Variants in WNK1 observed in about 807,000 individuals in gnomAD.
The protein encoded by WNK1 is WNK lysine deficient protein kinase 1.
A neutral mutation model predicts 222.8 loss-of-function variants in WNK1; 38 were observed. The observed-to-expected ratio is 0.17, with a 90% CI of 0.13 to 0.22. The LOEUF (loss-of-function observed/expected upper bound fraction) is 0.22, where lower values mean the gene tolerates loss of function less well. Among genes scored for constraint, WNK1 ranks in the 10% least tolerant of loss-of-function variants. WNK1 has a pLI of 1.00. For synonymous variants in WNK1, 1,090 were observed against 1,092.9 expected (o/e 1.00, Z 0.05); for missense variants, 2,348 against 2,918.4 (o/e 0.80, Z 4.50).
chr12:851,676 C>T, intron 4 of WNK1: 1 of 1,315,708 alleles, frequency 7.6e-7, no homozygotes, highest in Non-Finnish European at 1.0e-6. Flanking sequence ...AATAAGAAAT[C>T]TGTTTTGCCT....
intron 2 of WNK1, among the ~76,000 whole-genome samples, chr12:817,555 A>C (rs61916747): frequency 0.056 from 8,501 of 152,182 alleles, 314 homozygotes; most frequent in Middle Eastern, 0.1. Flanking sequence ...GGACCTTTCG[A>C]GTTTCTACCT....
At chr12:795,365 A>T (rs1226923427) in intron 1 of WNK1, among the ~76,000 whole-genome samples, 1 of 146,854 alleles carries the variant, frequency 6.8e-6, no homozygotes, top group East Asian at 2.0e-4. Context: ...CCCAAGTCTC[A>T]CTTTGAAATG....
At chr12:765,747 T>C (rs1301830084) in intron 1 of WNK1, among the ~76,000 whole-genome samples, 2 of 152,024 alleles carry the variant, frequency 1.3e-5, no homozygotes, top group African/African-American at 4.8e-5. Flanking sequence ...GGCTGGGCAA[T>C]GTAGCAAGAT....
chr12:802,554 C>A (rs1247783656), intron 1 of WNK1, among the ~76,000 whole-genome samples: 1 of 152,072 alleles, frequency 6.6e-6, no homozygotes, highest in Non-Finnish European at 1.5e-5. Context: ...ATTGTTGAAG[C>A]CCTGATACTA....
chr12:817,843 C>T (rs1947493559), intron 2 of WNK1, among the ~76,000 whole-genome samples: 1 of 152,090 alleles, frequency 6.6e-6, no homozygotes, highest in East Asian at 1.9e-4. Context: ...ATCCCAGCTA[C>T]CCGGGAGGCT....
chr12:908,269 C>T (rs1955868738), intron 27 of WNK1: 1 of 736,300 alleles, frequency 1.4e-6, no homozygotes, highest in East Asian at 2.7e-5. Context: ...TCCTCAACTA[C>T]ACACACACAG....
intron 1 of WNK1, among the ~76,000 whole-genome samples, chr12:757,988 T>A (rs1179076204): frequency 2.2e-5 from 3 of 137,558 alleles, no homozygotes; most frequent in African/African-American, 7.9e-5. Context: ...TGAGTCGAGA[T>A]CGCACCACTG....
At position 797,255 on chromosome 12, in the gene WNK1, T is replaced by C. The variant is rs146391943; in HGVS notation, c.760-16387T>C. On this transcript the variant is annotated intron_variant, in intron 1 of 27. Coordinates refer to ENST00000315939, the MANE Select transcript of WNK1 (RefSeq NM_018979.4). ...GTCATTCTTACTGTGATTACTGTGT[T>C]CTTTAAGGCTGTAGCTATAATTGTT... Among the ~76,000 whole-genome samples, 73 of 152,308 alleles carry C rather than the reference T, an allele frequency of 4.8e-4. 1 individual carries two copies. Among genetic ancestry groups the C allele is most frequent in the Middle Eastern group, 3.4e-3 (1 of 294 alleles).
rs762667877 is a variant in WNK1, at chr12:908,526, A to T, written c.6883A>T (p.Met2295Leu). The change falls in exon 28 of 28, where the codon ATG (methionine) becomes TTG (leucine). Residue 2295 changes from methionine (M) to leucine (L), a missense_variant. By Grantham distance (15) the Met-to-Leu change is conservative. Transcript: ENST00000315939. The stretch of plus-strand genomic sequence containing the variant: ...TGCACCTGGGCAACTGTGCATCTCC[A>T]TGACCTCGAACCTGGGTGGCTCTGC... ...FSAPGQLCIS[M>L]TSNLGGSAPI... 17 of 1,614,168 alleles carry T rather than the reference A, an allele frequency of 1.1e-5. No individual in the cohort carries two copies. The Admixed American group carries it at 2.3e-4, about 22-fold the overall frequency.
intron 26 of WNK1, among the ~76,000 whole-genome samples, chr12:903,523 A>G (rs1379077552): frequency 1.3e-5 from 2 of 152,236 alleles, no homozygotes; most frequent in Non-Finnish European, 2.9e-5. Flanking sequence ...AAAGAGAACC[A>G]AAGCTTCTGT....
intron 1 of WNK1, among the ~76,000 whole-genome samples, chr12:794,676 TG>T (rs1945146932): frequency 6.6e-6 from 1 of 152,168 alleles, no homozygotes; most frequent in Non-Finnish European, 1.5e-5. Context: ...CCTTTTTAGT[TG>T]CTGGATTTGG....
chr12:858,403 G>A (rs752099420), intron 5 of WNK1, among the ~76,000 whole-genome samples: 1 of 151,900 alleles, frequency 6.6e-6, no homozygotes, highest in Non-Finnish European at 1.5e-5. Flanking sequence ...TTGGTCAGGC[G>A]GGTTGCAGAC....
At chr12:870,546 A>G (rs965165689) in intron 8 of WNK1, among the ~76,000 whole-genome samples, 4 of 152,214 alleles carry the variant, frequency 2.6e-5, no homozygotes, top group African/African-American at 9.6e-5. Flanking sequence ...CTTTCTAGTG[A>G]GAAACACTGT....
In WNK1 at chr12:753,874, C is replaced by T. The variant is rs1343121075; in HGVS notation, c.309C>T (p.Pro103=). The change falls in exon 1 of 28, where the codon CCC becomes CCT. Residue 103 remains proline (P), a synonymous_variant. Coordinates refer to ENST00000315939, the MANE Select transcript of WNK1 (RefSeq NM_018979.4). This position sits in a 1 kb window ranked among gnomAD's most constrained non-coding sequence, Gnocchi z 5.2. ...TTCCCGGCCTTCCTCTTTCCCTGCC[C>T]CAGCCCAGCATCCCCGCGGCTGTCC... ...LELPGLPLSL[P]QPSIPAAVPQ... The T allele has an allele frequency of 6.8e-6, 11 of 1,612,430 alleles. No homozygotes were observed. Among genetic ancestry groups the T allele is most frequent in the Non-Finnish European group, 7.6e-6 (9 of 1,179,858 alleles).
At chr12:754,833 C>G (rs994826221) in intron 1 of WNK1, among the ~76,000 whole-genome samples, 1 of 152,130 alleles carries the variant, frequency 6.6e-6, no homozygotes, top group Non-Finnish European at 1.5e-5. Context: ...TAAAAAAAGA[C>G]TCTTCTCTGC....
At chr12:773,941 G>T (rs1291327925) in intron 1 of WNK1, among the ~76,000 whole-genome samples, 6 of 152,132 alleles carry the variant, frequency 3.9e-5, no homozygotes, top group African/African-American at 1.4e-4. Context: ...CCACAAGGTT[G>T]TAACCATGAA....
intron 26 of WNK1, among the ~76,000 whole-genome samples, chr12:902,820 C>G (rs1356624903): frequency 6.6e-6 from 1 of 152,188 alleles, no homozygotes; most frequent in South Asian, 2.1e-4. Context: ...TGGCACAGAA[C>G]AGGTAGTCAA....
At chr12:899,899 G>T (rs1009051115) in intron 25 of WNK1, among the ~76,000 whole-genome samples, 132 of 152,018 alleles carry the variant, frequency 8.7e-4, no homozygotes, top group African/African-American at 3.0e-3. Flanking sequence ...TGGAATCTGG[G>T]TATCCACTAG....
chr12:908,605 G>A lies in WNK1; in HGVS notation c.6962G>A (p.Cys2321Tyr), dbSNP rs1955895734. The A allele has an allele frequency of 6.2e-7, 1 of 1,614,102 alleles. No individual in the cohort carries two copies. Among genetic ancestry groups the A allele is most frequent in the Non-Finnish European group, 8.5e-7 (1 of 1,180,016 alleles). Residue 2321 changes from cysteine (C) to tyrosine (Y), a missense_variant, in exon 28 of 28, where the codon TGC (cysteine) becomes TAC (tyrosine). Around this residue, in one of 13 missense-constraint regions of WNK1, gnomAD observed 76 missense variants for 85.7 expected, o/e 0.89. Transcript: ENST00000315939. ...CTAGGTCACTTCACCAAGTCTATGT[G>A]CCCCCCACAGCAGTATGGCTTTCCA... ...TSLGHFTKSM[C>Y]PPQQYGFPAT...
Sources: gnomAD v4.1 joint callset for allele counts (sites outside exome capture counted in the v4.1 genomes callset) on GRCh38, gnomAD v4.1.1 for gene constraint, gnomAD v4.1.1 regional missense constraint, Gnocchi (gnomAD v3.1) non-coding constraint, MANE v1.5 for transcripts, NCBI Gene and HGNC (gene_info 2026-07-23, HGNC 2026-07-21) for gene names.